The following MYOZ1 variants were observed in gnomAD, a reference collection of about 807,000 sequenced individuals.
MYOZ1 encodes the protein myozenin-1.
MYOZ1 carries 20 observed loss-of-function variants against 28.7 expected under a neutral mutation model. The observed-to-expected ratio is 0.70, with a 90% confidence interval of 0.49 to 1.01. The LOEUF (loss-of-function observed/expected upper bound fraction) is 1.01. MYOZ1 is among the 50% of genes least tolerant of loss of function. MYOZ1 has a pLI of 0.00. For missense variants in MYOZ1, 371 were observed against 372.4 expected, an observed-to-expected ratio of 1.00 and a Z score of 0.03; for synonymous variants, 144 against 145.8, an observed-to-expected ratio of 0.99 and a Z score of 0.09.
intron 5 of MYOZ1, 30 bp downstream of exon 5, chr10:73,633,870 T>G (rs2081650600): frequency 1.3e-6 from 2 of 1,577,550 alleles, no homozygotes; most frequent in Non-Finnish European, 8.6e-7. Flanking sequence ...CACACTAGAA[T>G]GCATCTGGTT....
chr10:73,638,394 G>A (rs751026092), intron 2 of MYOZ1, among the ~76,000 whole-genome samples: 32 of 150,912 alleles, frequency 2.1e-4, no homozygotes, highest in Admixed American at 7.9e-4. Flanking sequence ...GTGGAATGGC[G>A]CGATCTCAGC....
Position 73,637,891 on chromosome 10 carries a change from G to T in MYOZ1, c.105C>A (p.Gly35=). The part of the protein sequence containing the change: ...GGQESSGLNL[G]KKISVPRDVM... Reference sequence around the variant, plus strand: ...CATCCCTTGGGACACTGATCTTTTTGCCCAGGTTCAAGCCTGAGCTCTCCT... The same window carrying T: ...CATCCCTTGGGACACTGATCTTTTTTCCCAGGTTCAAGCCTGAGCTCTCCT... Residue 35 remains glycine (G), a synonymous_variant, in exon 3 of 6, where the codon GGC becomes GGA. Transcript: ENST00000359322. The T allele has an allele frequency of 6.2e-7, 1 of 1,613,920 alleles. No homozygotes were observed. Among genetic ancestry groups the T allele is most frequent in the Non-Finnish European group, 8.5e-7 (1 of 1,179,958 alleles).
At chr10:73,639,843 A>G in intron 2 of MYOZ1, 102 bp downstream of exon 2, 1 of 1,196,698 alleles carries the variant, frequency 8.4e-7, no homozygotes, top group Non-Finnish European at 1.2e-6. Flanking sequence ...CCCACCACTT[A>G]ATTTCTCTTG....
Position 73,633,878 on chromosome 10 carries a change from G to T in MYOZ1, c.668+22C>A, listed in dbSNP as rs201419676. ...AGTGCCTCACACTAGAATGCATCTG[G>T]TTCCTTCCTCACCACCCCTACCTGT... is the stretch of plus-strand genomic sequence containing the variant. On this transcript the variant is annotated intron_variant, in intron 5 of 5. Transcript: ENST00000359322. 1.4e-4 allele frequency: 225 copies of T among 1,588,362 alleles called. 1 individual carries two copies. Among genetic ancestry groups the T allele is most frequent in the Middle Eastern group, 8.6e-4 (5 of 5,824 alleles).
intron 2 of MYOZ1, among the ~76,000 whole-genome samples, chr10:73,638,640 T>TTATTTATC (rs2081683387): frequency 8.4e-6 from 1 of 119,262 alleles, no homozygotes; most frequent in Non-Finnish European, 1.8e-5. Context: ...AGCCTACATT[T>TTATTTATC]TATTTATTTA....
chr10:73,633,848 G>T (rs1294525128), intron 5 of MYOZ1, 52 bp downstream of exon 5: 1 of 1,530,682 alleles, frequency 6.5e-7, no homozygotes, highest in Non-Finnish European at 8.8e-7. Context: ...CCTAACTAAA[G>T]ACACAGTGCC....
chr10:73,637,299 G>GC (rs1295173946), intron 3 of MYOZ1, among the ~76,000 whole-genome samples: 1 of 152,064 alleles, frequency 6.6e-6, no homozygotes, highest in Non-Finnish European at 1.5e-5. Context: ...ACAGGTGTGA[G>GC]CCACCATGCC....
rs2081655313 is a variant in MYOZ1, at chr10:73,634,547, G to T, written c.439C>A (p.Pro147Thr). ...CCTCCTCTGCCAGCCTGGCCCGCGG[G>T]ACCACCTGTACCCCCAGCTCCAGAC... Reference protein sequence around the residue: ...SGSGAGGTGGPAGQAGRGGAA... With the variant: ...SGSGAGGTGGTAGQAGRGGAA... The change falls in exon 4 of 6, where the codon CCC becomes ACC. Residue 147 changes from proline to threonine, a missense_variant. Pro to Thr is a conservative substitution (Grantham distance 38). Coordinates refer to ENST00000359322, the MANE Select transcript of MYOZ1 (RefSeq NM_021245.4). The T allele has an allele frequency of 1.9e-6, 3 of 1,614,046 alleles. No individual in the cohort carries two copies. The highest frequency in any genetic ancestry group is 2.7e-5 in the African/African-American group (2 of 74,992).
intron 3 of MYOZ1, among the ~76,000 whole-genome samples, chr10:73,637,358 G>A (rs1181290908): frequency 6.6e-6 from 1 of 152,008 alleles, no homozygotes; most frequent in African/African-American, 2.4e-5. Context: ...TTATCTTTAT[G>A]TCCCAAATAT....
chr10:73,634,253 C>A (rs1372945048), intron 4 of MYOZ1, among the ~76,000 whole-genome samples, 188 bp from the exon 5 acceptor site: 1 of 152,002 alleles, frequency 6.6e-6, no homozygotes, highest in African/African-American at 2.4e-5. Context: ...TCCGAAAAGC[C>A]AGGAAAGTAA....
At chr10:73,634,400 C>T (rs2081654161) in intron 4 of MYOZ1, 84 bp downstream of exon 4, 1 of 1,527,532 alleles carries the variant, frequency 6.5e-7, no homozygotes, top group Non-Finnish European at 8.8e-7. Context: ...ACCTCCTCTG[C>T]TCCCCACACT....
In MYOZ1 at chr10:73,634,711, G is replaced by T. The variant is rs766138458; in HGVS notation, c.275C>A (p.Pro92Gln). The T allele has an allele frequency of 6.2e-7, 1 of 1,613,570 alleles. No homozygotes were observed. Among genetic ancestry groups the T allele is most frequent in the South Asian group, 1.1e-5 (1 of 91,054 alleles). Residue 92 changes from proline to glutamine, a missense_variant, in exon 4 of 6, where the codon CCA (proline) becomes CAA (glutamine). Physicochemically the swap from Pro to Gln is moderately conservative, Grantham distance 76. Transcript: ENST00000359322. ...TGTGCCCAGCTGTCCCCCCACTGTTGGAAGGAACTTCTGGAAGTGATCCTG... is the reference window on the plus strand; with the variant it reads ...TGTGCCCAGCTGTCCCCCCACTGTTTGAAGGAACTTCTGGAAGTGATCCTG... ...SSMDHFQKFL[P>Q]TVGGQLGTAG...
At chr10:73,634,807 C>T (rs2081657428) in intron 3 of MYOZ1, 74 bp from the exon 4 acceptor site, 1 of 1,544,832 alleles carries the variant, frequency 6.5e-7, no homozygotes, top group Admixed American at 1.9e-5. Context: ...GTATGTTTAG[C>T]AAAGGCAGAA....
At chr10:73,633,750 G>C (rs2081649757) in intron 5 of MYOZ1, 150 bp downstream of exon 5, 1 of 857,680 alleles carries the variant, frequency 1.2e-6, no homozygotes. Flanking sequence ...CTGAGATAGA[G>C]TGAAAAGAGC....
In MYOZ1 at chr10:73,631,863, G is replaced by T; in HGVS notation, c.*67C>A. On this transcript the variant is annotated 3_prime_UTR_variant, in exon 6 of 6. Coordinates refer to ENST00000359322, the MANE Select transcript of MYOZ1 (RefSeq NM_021245.4). ...ACTGGATTAACAATGGGGGCTATCT[G>T]CTCAGCATTCCCTCTCCAAATTGGA... 2 of 1,368,722 alleles carry T rather than the reference G, an allele frequency of 1.5e-6. No homozygotes were observed. Among genetic ancestry groups the T allele is most frequent in the Non-Finnish European group, 2.1e-6 (2 of 964,894 alleles). The allele number at this position is 1,368,722 out of a possible 1,614,324, so 84.8% of individuals were successfully genotyped here. A position where few individuals can be genotyped will look rare whatever the true frequency, so the allele number is the denominator to read the frequency against.
chr10:73,640,148 A>AT, intron 1 of MYOZ1, 113 bp from the exon 2 acceptor site: 1 of 836,926 alleles, frequency 1.2e-6, no homozygotes, highest in Non-Finnish European at 1.9e-6. Flanking sequence ...GGGACAAAAA[A>AT]ATTTTTTTTT....
At chr10:73,637,700 A>G in intron 3 of MYOZ1, 44 bp downstream of exon 3, 1 of 1,562,346 alleles carries the variant, frequency 6.4e-7, no homozygotes, top group Non-Finnish European at 8.7e-7. Context: ...AAGCTGTCAG[A>G]ACAGGCACCA....
rs375207883 is a variant in MYOZ1 at position 73,636,214 on chromosome 10, G to A, written c.253-1481C>T. ...CCTTCTTCCTCAGCTATACCATCCT[G>A]TGCCTGGCCCCTCTCCAGTCTCCTC... On this transcript the variant is annotated intron_variant, in intron 3 of 5. Coordinates refer to ENST00000359322, the MANE Select transcript of MYOZ1 (RefSeq NM_021245.4). Among the ~76,000 whole-genome samples, 38 of 152,292 alleles carry A rather than the reference G, an allele frequency of 2.5e-4. No homozygotes were observed. In the South Asian group the frequency reaches 7.3e-3, roughly 29 times the overall value.
At position 73,634,503 on chromosome 10, in the gene MYOZ1, C is replaced by T. The variant is rs564279609; in HGVS notation, c.483G>A (p.Gly161=). ...ACTTGCCTGATCCTGTCTCACCAAC[C>T]CCTGCTGTGCCAGCAGCTCCTCCTC... The part of the protein sequence containing the change: ...AGRGGAAGTA[G]VGETGSGDQA... Residue 161 remains glycine, a synonymous_variant, in exon 4 of 6, where the codon GGG becomes GGA. Coordinates refer to ENST00000359322, the MANE Select transcript of MYOZ1 (RefSeq NM_021245.4). 6.2e-7 allele frequency: 1 copy of T among 1,614,104 alleles called. No individual in the cohort carries two copies. Among genetic ancestry groups the T allele is most frequent in the African/African-American group, 1.3e-5 (1 of 75,016 alleles).
Sources: allele counts gnomAD v4.1 joint callset (sites outside exome capture counted in the v4.1 genomes callset), GRCh38; gene constraint gnomAD v4.1.1; transcripts MANE v1.5; gene names NCBI Gene and HGNC (gene_info 2026-07-23, HGNC 2026-07-21).